The following APOA1 variants were observed in gnomAD, a reference collection of about 807,000 sequenced individuals.
The protein encoded by APOA1 is apolipoprotein A1.
APOA1 carries 22 observed loss-of-function variants against 25.9 expected under a neutral mutation model. The observed-to-expected ratio is 0.85, with a 90% CI of 0.61 to 1.21. The LOEUF (loss-of-function observed/expected upper bound fraction) is 1.21, where lower values mean the gene tolerates loss of function less well. Ranked by LOEUF, APOA1 falls within the 50% of genes most tolerant of loss-of-function variation. APOA1 has a pLI of 0.00. For missense variants in APOA1, 351 were observed against 347.9 expected (o/e 1.01, Z -0.07); for synonymous variants, 163 against 152.2 (o/e 1.07, Z -0.52).
chr11:116,836,831 G>T (rs956458573), intron 3 of APOA1, among the ~76,000 whole-genome samples, 170 bp downstream of exon 3: 1 of 152,224 alleles, frequency 6.6e-6, no homozygotes, highest in Admixed American at 6.5e-5. Flanking sequence ...CTTTGCAGGG[G>T]ACATGGGCTG....
Position 116,836,048 on chromosome 11 carries a change from G to A in APOA1, c.564C>T (p.Ala188=), listed in dbSNP as rs558064576. Residue 188 remains alanine, a synonymous_variant, in exon 4 of 4, where the codon GCC becomes GCT. Coordinates refer to ENST00000236850, the MANE Select transcript of APOA1 (RefSeq NM_000039.3). ...AHVDALRTHL[A]PYSDELRQRL... ...GCTGGCGCAGCTCGTCGCTGTAGGG[G>A]GCCAGATGCGTGCGCAGCGCGTCCA... The A allele has an allele frequency of 1.9e-6, 3 of 1,605,350 alleles. No individual in the cohort carries two copies. Among genetic ancestry groups the A allele is most frequent in the African/African-American group, 2.7e-5 (2 of 74,868 alleles).
chr11:116,835,909 G>C lies in APOA1; in HGVS notation c.703C>G (p.Leu235Val), dbSNP rs1341492197. The change falls in exon 4 of 4, where the codon CTC (leucine) becomes GTC (valine). Residue 235 changes from leucine (L) to valine (V), a missense_variant. By Grantham distance (32) the Leu-to-Val change is conservative. Coordinates refer to ENST00000236850, the MANE Select transcript of APOA1 (RefSeq NM_000039.3). ...AGCAGGCCTTGGCGGAGGTCCTCGA[G>C]CGCGGGCTTGGCCTTCTCGCTGAGC... Reference protein sequence around the residue: ...STLSEKAKPALEDLRQGLLPV... With the variant: ...STLSEKAKPAVEDLRQGLLPV... 2.5e-6 allele frequency: 4 copies of C among 1,613,232 alleles called. No individual in the cohort carries two copies. The highest frequency in any genetic ancestry group is 2.7e-5 in the African/African-American group (2 of 75,068).
At chr11:116,836,566 T>C (rs967760183) in intron 3 of APOA1, among the ~76,000 whole-genome samples, 155 bp from the exon 4 acceptor site, 3 of 151,876 alleles carry the variant, frequency 2.0e-5, no homozygotes, top group Non-Finnish European at 4.4e-5. Context: ...CCATGCCCCG[T>C]TGTGCAGCTG....
At chr11:116,836,445 C>T (rs770192818) in intron 3 of APOA1, 34 bp from the exon 4 acceptor site, 2 of 1,611,060 alleles carry the variant, frequency 1.2e-6, no homozygotes, top group South Asian at 2.2e-5. Context: ...GAGGGCTGGC[C>T]TCCCAGCGCC....
Position 116,835,909 on chromosome 11 carries a change from G to A in APOA1, c.703C>T (p.Leu235Phe). The A allele has an allele frequency of 6.2e-7, 1 of 1,613,232 alleles. No individual in the cohort carries two copies. The highest frequency in any genetic ancestry group is 1.3e-5 in the African/African-American group (1 of 75,068). Residue 235 changes from leucine to phenylalanine, a missense_variant, in exon 4 of 4, where the codon CTC (leucine) becomes TTC (phenylalanine). By Grantham distance (22) the Leu-to-Phe change is conservative. Transcript: ENST00000236850. The part of the protein sequence containing the change: ...STLSEKAKPA[L>F]EDLRQGLLPV... ...AGCAGGCCTTGGCGGAGGTCCTCGA[G>A]CGCGGGCTTGGCCTTCTCGCTGAGC...
In APOA1 at chr11:116,836,222, C is replaced by G. The variant is rs1941544877; in HGVS notation, c.390G>C (p.Lys130Asn). Residue 130 changes from lysine (K) to asparagine (N), a missense_variant, in exon 4 of 4, where the codon AAG becomes AAC. Physicochemically the swap from Lys to Asn is moderately conservative, Grantham distance 94. Transcript: ENST00000236850. ...AGAGCTCCATCTCCTCCTGCCACTT[C>G]TTCTGGAAGTCGTCCAGGTAGGGCT... Reference protein sequence around the residue: ...KVQPYLDDFQKKWQEEMELYR... With the variant: ...KVQPYLDDFQNKWQEEMELYR... 6.2e-7 allele frequency: 1 copy of G among 1,614,070 alleles called. No individual in the cohort carries two copies. Among genetic ancestry groups the G allele is most frequent in the South Asian group, 1.1e-5 (1 of 91,080 alleles).
rs374923795 is a variant in APOA1, at chr11:116,835,788, G to T, written c.*20C>A. The T allele has an allele frequency of 5.6e-6, 9 of 1,612,986 alleles. No homozygotes were observed. The highest frequency in any genetic ancestry group is 6.8e-6 in the Non-Finnish European group (8 of 1,179,984). ...AAACGTTTATTCTGAGCACCGGGAAGGGGGGCGGCGGCGGGCGCCTCACTG... is the reference window on the plus strand; with the variant it reads ...AAACGTTTATTCTGAGCACCGGGAATGGGGGCGGCGGCGGGCGCCTCACTG... On this transcript the variant is annotated 3_prime_UTR_variant, in exon 4 of 4. Transcript: ENST00000236850.
At chr11:116,837,568 G>C (rs1941587663) in intron 1 of APOA1, 37 bp downstream of exon 1, 1 of 698,320 alleles carries the variant, frequency 1.4e-6, no homozygotes, top group Admixed American at 2.7e-5. Context: ...CCTTGAGCTG[G>C]GGAGCCAGAG....
rs993282260 is a variant in APOA1 at position 116,837,340 on chromosome 11, C to T, written c.43+5G>A. On this transcript the variant is annotated splice_donor_5th_base_variant and intron_variant, in intron 2 of 3. Coordinates refer to ENST00000236850, the MANE Select transcript of APOA1 (RefSeq NM_000039.3). ...GGTTGGCTCCCTAGGTTAGGGGACA[C>T]CTACCCGTCAGGAAGAGCACGGCCA... 8 of 1,570,086 alleles carry T rather than the reference C, an allele frequency of 5.1e-6. No individual in the cohort carries two copies. The highest frequency in any genetic ancestry group is 4.0e-5 in the African/African-American group (3 of 74,198).
rs1591330934 is a variant in APOA1 at position 116,836,881 on chromosome 11, G to A, written c.200+120C>T. On this transcript the variant is annotated intron_variant, in intron 3 of 3. Transcript: ENST00000236850. Reference sequence around the variant, plus strand: ...GATCCCATTCCAGTTTCTCCATCCAGACCATCTGTGGGGCCCAGCTCATCA... The same window carrying A: ...GATCCCATTCCAGTTTCTCCATCCAAACCATCTGTGGGGCCCAGCTCATCA... 14 of 1,190,200 alleles carry A rather than the reference G, an allele frequency of 1.2e-5. No individual in the cohort carries two copies. The South Asian group carries it at 1.5e-4, about 13-fold the overall frequency. The allele number at this position is 1,190,200 out of a possible 1,614,324, so 73.7% of individuals were successfully genotyped here.
rs1311578931 is a variant in APOA1, at chr11:116,835,855, A to G, written c.757T>C (p.Phe253Leu). 2 of 1,613,114 alleles carry G rather than the reference A, an allele frequency of 1.2e-6. No individual in the cohort carries two copies. Among genetic ancestry groups the G allele is most frequent in the Non-Finnish European group, 1.7e-6 (2 of 1,180,004 alleles). The change falls in exon 4 of 4, where the codon TTC (phenylalanine) becomes CTC (leucine). Residue 253 changes from phenylalanine to leucine, a missense_variant. Physicochemically the swap from Phe to Leu is conservative, Grantham distance 22 (BLOSUM62 0). Coordinates refer to ENST00000236850, the MANE Select transcript of APOA1 (RefSeq NM_000039.3). ...LPVLESFKVS[F>L]LSALEEYTKK... ...GTGTACTCCTCGAGAGCGCTCAGGAAGCTGACCTTGAAGCTCTCCAGCACG... is the reference window on the plus strand; with the variant it reads ...GTGTACTCCTCGAGAGCGCTCAGGAGGCTGACCTTGAAGCTCTCCAGCACG...
rs201218000 is a variant in APOA1 at position 116,836,038 on chromosome 11, C to T, written c.574G>A (p.Asp192Asn). 2.5e-6 allele frequency: 4 copies of T among 1,606,190 alleles called. No homozygotes were observed. Among genetic ancestry groups the T allele is most frequent in the East Asian group, 2.2e-5 (1 of 44,832 alleles). ...GCGGCCAAGCGCTGGCGCAGCTCGTCGCTGTAGGGGGCCAGATGCGTGCGC... is the reference window on the plus strand; with the variant it reads ...GCGGCCAAGCGCTGGCGCAGCTCGTTGCTGTAGGGGGCCAGATGCGTGCGC... ...ALRTHLAPYSDELRQRLAARL... is the reference protein window; with the variant it reads ...ALRTHLAPYSNELRQRLAARL... Residue 192 changes from aspartate (D) to asparagine (N), a missense_variant, in exon 4 of 4, where the codon GAC becomes AAC. Coordinates refer to ENST00000236850, the MANE Select transcript of APOA1 (RefSeq NM_000039.3).
chr11:116,836,691 T>C (rs553885510), intron 3 of APOA1, among the ~76,000 whole-genome samples: 4 of 152,336 alleles, frequency 2.6e-5, no homozygotes, highest in African/African-American at 9.6e-5. Flanking sequence ...CAGCGCATTC[T>C]CCTCTCCGAA....
chr11:116,836,545 G>C (rs964266482), intron 3 of APOA1, 134 bp from the exon 4 acceptor site: 2 of 1,207,652 alleles, frequency 1.7e-6, no homozygotes, highest in East Asian at 2.5e-5. Flanking sequence ...CAACACCCCT[G>C]CCCCGCCAGG....
chr11:116,837,551 G>A, intron 1 of APOA1, 54 bp downstream of exon 1: 1 of 816,606 alleles, frequency 1.2e-6, no homozygotes, highest in Non-Finnish European at 2.0e-6. Context: ...CTGGGGCAAG[G>A]CCTGAACCTT....
intron 1 of APOA1, 44 bp downstream of exon 1, chr11:116,837,561 T>C (rs1941587607): frequency 1.4e-6 from 1 of 740,296 alleles, no homozygotes; most frequent in Non-Finnish European, 2.3e-6. Flanking sequence ...GCCTGAACCT[T>C]GAGCTGGGGA....
Position 116,836,220 on chromosome 11 carries a change from T to G in APOA1, c.392A>C (p.Lys131Thr). Residue 131 changes from lysine (K) to threonine (T), a missense_variant, in exon 4 of 4, where the codon AAG becomes ACG. By Grantham distance (78) the Lys-to-Thr change is moderately conservative. Coordinates refer to ENST00000236850, the MANE Select transcript of APOA1 (RefSeq NM_000039.3). ...GTAGAGCTCCATCTCCTCCTGCCAC[T>G]TCTTCTGGAAGTCGTCCAGGTAGGG... is the stretch of plus-strand genomic sequence containing the variant. Reference protein sequence around the residue: ...VQPYLDDFQKKWQEEMELYRQ... With the variant: ...VQPYLDDFQKTWQEEMELYRQ... 6.2e-7 allele frequency: 1 copy of G among 1,613,166 alleles called. No homozygotes were observed. Among genetic ancestry groups the G allele is most frequent in the Non-Finnish European group, 8.5e-7 (1 of 1,179,216 alleles).
At position 116,835,947 on chromosome 11, in the gene APOA1, T is replaced by C; in HGVS notation, c.665A>G (p.Glu222Gly). 1.2e-6 allele frequency: 2 copies of C among 1,612,426 alleles called. No individual in the cohort carries two copies. The highest frequency in any genetic ancestry group is 1.7e-6 in the Non-Finnish European group (2 of 1,179,938). The part of the protein sequence containing the change: ...RLAEYHAKAT[E>G]HLSTLSEKAK... ...CTTCTCGCTGAGCGTGCTCAGATGC[T>C]CGGTGGCCTTGGCGTGGTACTCGGC... Residue 222 changes from glutamate (E) to glycine (G), a missense_variant, in exon 4 of 4, where the codon GAG becomes GGG. By Grantham distance (98) the Glu-to-Gly change is moderately conservative (BLOSUM62 -2). Transcript: ENST00000236850.
At chr11:116,836,550 G>C in intron 3 of APOA1, 139 bp from the exon 4 acceptor site, 2 of 1,165,484 alleles carry the variant, frequency 1.7e-6, no homozygotes, top group Non-Finnish European at 2.5e-6. Context: ...CCCCTGCCCC[G>C]CCAGGCCATG....
Sources: allele counts gnomAD v4.1 joint callset (sites outside exome capture counted in the v4.1 genomes callset), GRCh38; gene constraint gnomAD v4.1.1; transcripts MANE v1.5; gene names NCBI Gene and HGNC (gene_info 2026-07-23, HGNC 2026-07-21).